The following INF2 variants were observed in gnomAD, a reference collection of about 807,000 sequenced individuals.
INF2 encodes inverted formin 2.
A neutral mutation model predicts 123.5 loss-of-function variants in INF2; 43 were observed. That is an observed-to-expected ratio of 0.35 (90% confidence interval 0.27 to 0.45). INF2 has a LOEUF of 0.45. Among genes scored for constraint, INF2 ranks in the 20% least tolerant of loss-of-function variants. The pLI is 1.00. For missense variants in INF2, 1,453 were observed against 1,682.7 expected (o/e 0.86, Z 2.39); for synonymous variants, 851 against 745.0 (o/e 1.14, Z -2.32).
At chr14:104,705,916 TG>T (rs1451075587) in intron 5 of INF2, 118 bp from the exon 6 acceptor site, 1 of 1,291,020 alleles carries the variant, frequency 7.7e-7, no homozygotes, top group African/African-American at 1.5e-5. Flanking sequence ...GGCTATGGCC[TG>T]GCTCAGAGTC....
rs4983530 is a variant in INF2, at chr14:104,701,470, C to T, written c.105C>T (p.Pro35=). 0.98 allele frequency: 1,565,076 copies of T among 1,600,582 alleles called. 765,311 individuals are homozygous for T. The highest frequency in any genetic ancestry group is 1 in the East Asian group (44,162 of 44,166). Reference sequence around the variant, plus strand: ...AGGCCAACCTGGAGAGCGCGGACCCCGAGCTGTGCATCCGGCTGCTCCAGA... The same window carrying T: ...AGGCCAACCTGGAGAGCGCGGACCCTGAGCTGTGCATCCGGCTGCTCCAGA... The part of the protein sequence containing the change: ...PTEANLESAD[P]ELCIRLLQMP... Residue 35 remains proline, a synonymous_variant, in exon 2 of 23, where the codon CCC becomes CCT. Coordinates refer to ENST00000392634, the MANE Select transcript of INF2 (RefSeq NM_022489.4).
At chr14:104,700,798 G>T (rs1209789577) in intron 1 of INF2, 1 of 980,486 alleles carries the variant, frequency 1.0e-6, no homozygotes, top group African/African-American at 1.8e-5. Context: ...GCCCAGGGGA[G>T]ACCTGGGAGT....
chr14:104,683,183 T>TG (rs1220115939), intron 1 of INF2, among the ~76,000 whole-genome samples: 37 of 12,718 alleles, frequency 2.9e-3, no homozygotes, highest in South Asian at 4.5e-3. Context: ...GTGGCTGCAA[T>TG]GGGGGAGGGG....
intron 16 of INF2, among the ~76,000 whole-genome samples, chr14:104,712,117 C>T (rs1185751392): frequency 6.6e-6 from 1 of 152,132 alleles, no homozygotes; most frequent in East Asian, 1.9e-4. Flanking sequence ...CCCCACTACA[C>T]AGTCCGGGCC....
chr14:104,707,543 C>T lies in INF2; in HGVS notation c.1276C>T (p.Pro426Ser), dbSNP rs766635668. 9.6e-4 allele frequency: 1,242 copies of T among 1,291,494 alleles called. 21 individuals are homozygous for T. Among genetic ancestry groups the T allele is most frequent in the Non-Finnish European group, 1.1e-4 (111 of 984,292 alleles). 80.0% of individuals were successfully genotyped at this position (1,291,494 alleles called of 1,614,324 possible). ...GGCGTCCACCCCACCCCCACCCCCACCCCCACCCCTGCTCCCTGGTTCCAG... is the reference window on the plus strand; with the variant it reads ...GGCGTCCACCCCACCCCCACCCCCATCCCCACCCCTGCTCCCTGGTTCCAG... ...QQASTPPPPP[P>S]PPLLPGSSAE... Residue 426 changes from proline to serine, a missense_variant, in exon 8 of 23, where the codon CCC (proline) becomes TCC (serine). Around this residue, in one of 8 missense-constraint regions of INF2, gnomAD observed 374 missense variants for 303.7 expected, o/e 1.23. Transcript: ENST00000392634.
chr14:104,696,718 G>T (rs1889210386), intron 1 of INF2, among the ~76,000 whole-genome samples: 2 of 152,246 alleles, frequency 1.3e-5, no homozygotes, highest in South Asian at 4.2e-4. Flanking sequence ...CCAAGCAGTG[G>T]AAAAATTGGG....
intron 1 of INF2, chr14:104,700,927 G>C (rs1294069199): frequency 2.1e-6 from 2 of 934,244 alleles, no homozygotes; most frequent in African/African-American, 3.6e-5. Context: ...GGTGAGATAA[G>C]GCAGCCTCAG....
chr14:104,701,611 G>A lies in INF2; in HGVS notation c.246G>A (p.Ala82=), dbSNP rs377173164. Residue 82 remains alanine (A), a synonymous_variant, in exon 2 of 23, where the codon GCG becomes GCA. Transcript: ENST00000392634. ...SGLDLLLEAL[A]RLSGRGVARI... Reference sequence around the variant, plus strand: ...TGGACCTGCTGCTGGAGGCGCTGGCGCGGCTGTCGGGCCGCGGCGTTGCAC... The same window carrying A: ...TGGACCTGCTGCTGGAGGCGCTGGCACGGCTGTCGGGCCGCGGCGTTGCAC... The A allele has an allele frequency of 5.6e-6, 9 of 1,604,390 alleles. No homozygotes were observed. The highest frequency in any genetic ancestry group is 2.7e-5 in the African/African-American group (2 of 74,824).
At chr14:104,693,862 C>T (rs954033993) in intron 1 of INF2, among the ~76,000 whole-genome samples, 1 of 152,344 alleles carries the variant, frequency 6.6e-6, no homozygotes, top group Admixed American at 6.5e-5. Flanking sequence ...CCCCCGGGTC[C>T]CTGTTCCTGC....
At position 104,714,815 on chromosome 14, in the gene INF2, C is replaced by T. The variant is rs1890215501; in HGVS notation, c.3653C>T (p.Thr1218Ile). ...PRARGRASKG[T>I]GKRRKKRPSR... ...GCCCGGGGCCGGGCCTCAAAGGGGA[C>T]CGGGAAGCGAAGGAAGAAGCGTCCC... The change falls in exon 21 of 23, where the codon ACC (threonine) becomes ATC (isoleucine). Residue 1218 changes from threonine (T) to isoleucine (I), a missense_variant. Physicochemically the swap from Thr to Ile is moderately conservative, Grantham distance 89. This residue lies in a region of INF2 where 344 missense variants were observed against 333.1 expected (regional missense o/e 1.03). Transcript: ENST00000392634. 2 of 1,594,542 alleles carry T rather than the reference C, an allele frequency of 1.3e-6. No homozygotes were observed. Among genetic ancestry groups the T allele is most frequent in the Middle Eastern group, 1.7e-4 (1 of 6,004 alleles).
intron 10 of INF2, 135 bp from the exon 11 acceptor site, chr14:104,709,146 C>T (rs1566782806): frequency 4.4e-6 from 3 of 683,358 alleles, no homozygotes; most frequent in South Asian, 1.7e-5. Flanking sequence ...GGCAACAACT[C>T]GACTGTTCTG....
chr14:104,706,562 C>G (rs543624387), intron 6 of INF2, among the ~76,000 whole-genome samples: 3 of 152,306 alleles, frequency 2.0e-5, no homozygotes, highest in South Asian at 4.1e-4. Context: ...GAATTCTCGT[C>G]AAGCTCAGGC....
Position 104,712,899 on chromosome 14 carries a change from C to A in INF2, c.2682C>A (p.Ala894=), listed in dbSNP as rs770520588. The change falls in exon 18 of 23, where the codon GCC becomes GCA. Residue 894 remains alanine (A), a synonymous_variant. Transcript: ENST00000392634. ...EAIEQKQREL[A]DYLCEDAQQL... The stretch of plus-strand genomic sequence containing the variant: ...TCGAGCAGAAGCAACGGGAGCTGGC[C>A]GACTACCTGTGTGAGGACGCCCAGC... 6.2e-7 allele frequency: 1 copy of A among 1,612,690 alleles called. No individual in the cohort carries two copies. The highest frequency in any genetic ancestry group is 1.7e-5 in the Admixed American group (1 of 60,024).
rs767215068 is a variant in INF2 at position 104,699,202 on chromosome 14, G to A, written c.-9-2155G>A. On this transcript the variant is annotated intron_variant, in intron 1 of 22. Coordinates refer to ENST00000392634, the MANE Select transcript of INF2 (RefSeq NM_022489.4). The surrounding 1 kb of genome is among the most constrained non-coding windows in gnomAD (Gnocchi z 4.7). ...GGATTTTTTGCATGGAGGGACCCCC[G>A]GGGCTCTTGGCTGGAGAGGACACTC... 1.8e-4 allele frequency among the ~76,000 whole-genome samples: 27 copies of A among 152,086 alleles called. No homozygotes were observed. The highest frequency in any genetic ancestry group is 2.8e-4 in the Non-Finnish European group (19 of 68,022).
In INF2 at chr14:104,706,057, C is replaced by G; in HGVS notation, c.724C>G (p.Leu242Val). 2.5e-6 allele frequency: 4 copies of G among 1,612,410 alleles called. No homozygotes were observed. The highest frequency in any genetic ancestry group is 3.4e-6 in the Non-Finnish European group (4 of 1,179,692). ...CAGAGACCTGGAGGATGCCGACCTG[C>G]TGATCCAGCTGGAGGCTTTCGAGGA... is the stretch of plus-strand genomic sequence containing the variant. Reference protein sequence around the residue: ...RLRDLEDADLLIQLEAFEEAK... With the variant: ...RLRDLEDADLVIQLEAFEEAK... The change falls in exon 6 of 23, where the codon CTG (leucine) becomes GTG (valine). Residue 242 changes from leucine (L) to valine (V), a missense_variant. Around this residue, in one of 8 missense-constraint regions of INF2, gnomAD observed 251 missense variants for 349.4 expected, o/e 0.72. Transcript: ENST00000392634.
At chr14:104,691,687 C>T (rs1239550167) in intron 1 of INF2, among the ~76,000 whole-genome samples, 1 of 152,180 alleles carries the variant, frequency 6.6e-6, no homozygotes, top group Non-Finnish European at 1.5e-5. Flanking sequence ...CACCTAAAGT[C>T]AAAGACTAAG....
chr14:104,689,200 G>A, upstream of INF2: 1 of 985,260 alleles, frequency 1.0e-6, no homozygotes, highest in East Asian at 1.1e-4. Context: ...CGGGGACTCC[G>A]GATCCGGCTG....
chr14:104,713,084 T>C, intron 18 of INF2, 92 bp downstream of exon 18: 1 of 1,607,476 alleles, frequency 6.2e-7, no homozygotes, highest in Non-Finnish European at 8.5e-7. Context: ...GAGGCACCTT[T>C]CGTCGGGCCG....
chr14:104,706,632 G>A (rs1002297457), intron 6 of INF2, among the ~76,000 whole-genome samples: 3 of 152,156 alleles, frequency 2.0e-5, no homozygotes, highest in Non-Finnish European at 4.4e-5. Context: ...TCCCCAGGTG[G>A]CATCTGGCAA....
Sources: gnomAD v4.1 joint callset for allele counts (sites outside exome capture counted in the v4.1 genomes callset) on GRCh38, gnomAD v4.1.1 for gene constraint, gnomAD v4.1.1 regional missense constraint, Gnocchi (gnomAD v3.1) non-coding constraint, MANE v1.5 for transcripts, NCBI Gene and HGNC (gene_info 2026-07-23, HGNC 2026-07-21) for gene names.